KIF6: variants seen among roughly 807,000 people sequenced by gnomAD.
KIF6 encodes the protein kinesin family member 6, also known as kinesin-like protein KIF6.
In KIF6, 106 loss-of-function variants were observed where a neutral mutation model predicts 112.7. The ratio of observed to expected loss-of-function variants is 0.94; its 90% CI spans 0.80 to 1.11. KIF6 has a LOEUF of 1.11. Among genes scored for constraint, KIF6 ranks in the 50% least tolerant of loss-of-function variants. The probability of loss-of-function intolerance (pLI) is 0.00; values close to 1 mark genes in which losing one functional copy is unlikely to be tolerated. For synonymous variants in KIF6, 339 were observed against 339.9 expected (o/e 1.00, Z 0.03); for missense variants, 929 against 964.0 (o/e 0.96, Z 0.48).
At chr6:39,551,114 T>G (rs1779355457) in intron 10 of KIF6, among the ~76,000 whole-genome samples, 1 of 152,234 alleles carries the variant, frequency 6.6e-6, no homozygotes, top group South Asian at 2.1e-4. Flanking sequence ...TACCCAGTAG[T>G]CGGATTGCTG....
At chr6:39,659,837 G>C (rs1017204497) in intron 3 of KIF6, among the ~76,000 whole-genome samples, 3 of 152,156 alleles carry the variant, frequency 2.0e-5, no homozygotes, top group African/African-American at 7.2e-5. Context: ...TGTGAGAATG[G>C]ACTAATACAT....
intron 6 of KIF6, among the ~76,000 whole-genome samples, chr6:39,602,998 A>G (rs1782660432): frequency 6.6e-6 from 1 of 152,206 alleles, no homozygotes; most frequent in Non-Finnish European, 1.5e-5. Context: ...GAACAATCCA[A>G]AAAATTGTTG....
At chr6:39,674,485 C>A (rs1008077874) in intron 3 of KIF6, among the ~76,000 whole-genome samples, 1 of 152,006 alleles carries the variant, frequency 6.6e-6, no homozygotes, top group African/African-American at 2.4e-5. Context: ...CAGATGCATA[C>A]CGTATACACA....
chr6:39,398,643 C>T (rs1768453262), intron 15 of KIF6, among the ~76,000 whole-genome samples: 1 of 152,164 alleles, frequency 6.6e-6, no homozygotes, highest in Admixed American at 6.5e-5. Context: ...AACCCAAATG[C>T]AGGTAGGTGC....
rs181210108 is a variant in KIF6, at chr6:39,588,422, C to T, written c.847-2018G>A. ...TAGAGTTGGGGTTTTGCTATGTTGG[C>T]CAGGCTGGTCTCAAACTCCTGGCTC... On this transcript the variant is annotated intron_variant, in intron 7 of 22. Transcript: ENST00000287152. Among the ~76,000 whole-genome samples the T allele has an allele frequency of 3.2e-3, 483 of 152,130 alleles. 5 individuals are homozygous for T. The highest frequency in any genetic ancestry group is 0.011 in the African/African-American group (452 of 41,510).
chr6:39,555,453 T>C (rs1280614742), intron 10 of KIF6, among the ~76,000 whole-genome samples: 1 of 152,004 alleles, frequency 6.6e-6, no homozygotes, highest in East Asian at 1.9e-4. Flanking sequence ...GCTACCCTGC[T>C]GGGCCCTCAG....
intron 17 of KIF6, among the ~76,000 whole-genome samples, chr6:39,360,797 A>G (rs1399430690): frequency 6.6e-6 from 1 of 152,228 alleles, no homozygotes; most frequent in Non-Finnish European, 1.5e-5. Flanking sequence ...AAGAATGAGA[A>G]CTGCCATTTG....
At chr6:39,384,015 G>A (rs895896454) in intron 16 of KIF6, among the ~76,000 whole-genome samples, 15 of 152,226 alleles carry the variant, frequency 9.9e-5, no homozygotes, top group African/African-American at 3.6e-4. Context: ...AGACTTTGCT[G>A]AAGCAGTTTA....
Position 39,617,766 on chromosome 6 carries a change from C to A in KIF6, c.510-4448G>T, listed in dbSNP as rs895043627. 7.5e-5 allele frequency: 34 copies of A among 455,278 alleles called. No homozygotes were observed. The Middle Eastern group carries it at 9.8e-4, about 13-fold the overall frequency. The allele number at this position is 455,278 out of a possible 1,614,324, so 28.2% of individuals were successfully genotyped here. On this transcript the variant is annotated intron_variant, in intron 5 of 22. Transcript: ENST00000287152. The stretch of plus-strand genomic sequence containing the variant: ...GACTAGAGGCCATTCCGTCTAGACA[C>A]CCTGACCTAGAGCAATGTCAAGAGC...
rs1762799614 is a variant in KIF6, at chr6:39,333,088, T to G, written c.*3444A>C. 1 of 152,226 alleles carries G rather than the reference T, an allele frequency of 6.6e-6. No individual in the cohort carries two copies. Among genetic ancestry groups the G allele is most frequent in the Non-Finnish European group, 1.5e-5 (1 of 68,046 alleles). 9.4% of individuals were successfully genotyped at this position (152,226 alleles called of 1,614,324 possible). A position where few individuals can be genotyped will look rare whatever the true frequency, so the allele number is the denominator to read the frequency against. ...GGTTTGTATAGAGGATTTTGTCTCA[T>G]TTTTAGTCATTTAAAGCAGGAGGGT... On this transcript the variant is annotated 3_prime_UTR_variant, in exon 23 of 23. Transcript: ENST00000287152.
At chr6:39,708,698 A>C (rs920512002) in intron 3 of KIF6, among the ~76,000 whole-genome samples, 4 of 152,200 alleles carry the variant, frequency 2.6e-5, no homozygotes, top group Admixed American at 6.5e-5. Context: ...AGAAAACTGG[A>C]ATTCTGCAAA....
At chr6:39,515,317 A>G (rs1360008301) in intron 13 of KIF6, among the ~76,000 whole-genome samples, 2 of 152,230 alleles carry the variant, frequency 1.3e-5, no homozygotes, top group African/African-American at 4.8e-5. Context: ...AATAGGAACC[A>G]TATCGGAAAG....
At chr6:39,345,847 T>G in intron 20 of KIF6, 58 bp from the exon 21 acceptor site, 1 of 1,272,464 alleles carries the variant, frequency 7.9e-7, no homozygotes, top group Non-Finnish European at 1.1e-6. Context: ...TAGAAGGAAA[T>G]TCAGGGTTTA....
chr6:39,618,389 G>C (rs1343715403), intron 5 of KIF6, among the ~76,000 whole-genome samples: 1 of 152,106 alleles, frequency 6.6e-6, no homozygotes, highest in Non-Finnish European at 1.5e-5. Flanking sequence ...CCAACTGAAT[G>C]GACCCCCTAT....
intron 14 of KIF6, among the ~76,000 whole-genome samples, chr6:39,427,277 T>A (rs948482868): frequency 5.3e-5 from 8 of 152,212 alleles, no homozygotes; most frequent in African/African-American, 1.9e-4. Context: ...GGGCCCGGGT[T>A]ACTGGAAGGG....
intron 16 of KIF6, among the ~76,000 whole-genome samples, chr6:39,373,204 G>A (rs1446498451): frequency 6.6e-6 from 1 of 152,182 alleles, no homozygotes; most frequent in Non-Finnish European, 1.5e-5. Flanking sequence ...GTTGCATGAT[G>A]AAAAAAATGG....
intron 13 of KIF6, among the ~76,000 whole-genome samples, chr6:39,517,979 T>C (rs1294643736): frequency 6.6e-6 from 1 of 152,184 alleles, no homozygotes; most frequent in South Asian, 2.1e-4. Flanking sequence ...CTGCTTATGT[T>C]TACAGAACAA....
chr6:39,562,125 T>C (rs1346309076), intron 10 of KIF6, among the ~76,000 whole-genome samples: 1 of 152,198 alleles, frequency 6.6e-6, no homozygotes, highest in Non-Finnish European at 1.5e-5. Context: ...GCCCCATGAT[T>C]ACTTGAACTG....
rs151265997 is a variant in KIF6, at chr6:39,495,924, A to C, written c.1645+44079T>G. ...AAAAGTAATGGAGGGGGATACCTTC[A>C]GGGGCCTGGGGACCCCAGAATAAGA... On this transcript the variant is annotated intron_variant, in intron 13 of 22. Coordinates refer to ENST00000287152, the MANE Select transcript of KIF6 (RefSeq NM_145027.6). Among the ~76,000 whole-genome samples the C allele has an allele frequency of 1.2e-4, 18 of 152,348 alleles. No individual in the cohort carries two copies. The East Asian group carries it at 3.5e-3, about 29-fold the overall frequency.
Sources: gnomAD v4.1 joint callset for allele counts (sites outside exome capture counted in the v4.1 genomes callset) on GRCh38, gnomAD v4.1.1 for gene constraint, MANE v1.5 for transcripts, NCBI Gene and HGNC (gene_info 2026-07-23, HGNC 2026-07-21) for gene names.